Variants in DOP1B observed in about 807,000 individuals in gnomAD.
The protein encoded by DOP1B is protein DOP1B.
A neutral mutation model predicts 233.5 loss-of-function variants in DOP1B; 174 were observed. That is an observed-to-expected ratio of 0.75 (90% confidence interval 0.66 to 0.85). The LOEUF (loss-of-function observed/expected upper bound fraction) is 0.85, where lower values mean the gene tolerates loss of function less well. DOP1B is among the 40% of genes least tolerant of loss of function. The pLI is 0.00. For synonymous variants in DOP1B, 1,190 were observed against 1,185.6 expected, an observed-to-expected ratio of 1.00 and a Z score of -0.08; for missense variants, 2,652 against 2,846.6, an observed-to-expected ratio of 0.93 and a Z score of 1.56.
At chr21:36,185,503 C>T (rs1423763110) in intron 2 of DOP1B, among the ~76,000 whole-genome samples, 7 of 152,184 alleles carry the variant, frequency 4.6e-5, no homozygotes, top group Non-Finnish European at 8.8e-5. Flanking sequence ...AACTCAGTGC[C>T]ACTCAGCCTC....
Position 36,237,253 on chromosome 21 carries a change from T to G in DOP1B, c.2623-9T>G, listed in dbSNP as rs767051773. The G allele has an allele frequency of 1.5e-5, 25 of 1,614,038 alleles. No individual in the cohort carries two copies. In the East Asian group the frequency reaches 5.3e-4, roughly 35 times the overall value. On this transcript the variant is annotated splice_polypyrimidine_tract_variant and intron_variant, in intron 15 of 36. Transcript: ENST00000691173. ...TGGTCCCCCACCGCCTGCCTTTTCC[T>G]TGTCCCAGAGGGTGGCTCGTGTGCT...
At chr21:36,197,552 A>T (rs1286700875) in intron 2 of DOP1B, among the ~76,000 whole-genome samples, 1 of 152,202 alleles carries the variant, frequency 6.6e-6, no homozygotes, top group Non-Finnish European at 1.5e-5. Flanking sequence ...AGAGTGAGAT[A>T]GTCCCTGCCC....
intron 2 of DOP1B, 93 bp from the exon 3 acceptor site, chr21:36,198,977 A>G (rs558507982): frequency 1.5e-6 from 2 of 1,338,858 alleles, no homozygotes; most frequent in Non-Finnish European, 2.1e-6. Context: ...ACACTGGGAC[A>G]TGGCTGCAGT....
intron 2 of DOP1B, among the ~76,000 whole-genome samples, chr21:36,194,487 CT>C (rs369495001): frequency 0.29 from 23,182 of 80,406 alleles, 1,619 homozygotes; most frequent in East Asian, 0.46. Context: ...CTCTCTCTCT[CT>C]TTTTTTTTTT....
chr21:36,223,110 G>A, intron 10 of DOP1B, 121 bp from the exon 11 acceptor site: 2 of 947,332 alleles, frequency 2.1e-6, no homozygotes, highest in South Asian at 1.8e-5. Context: ...TTTTTATCAG[G>A]GTGTGTCAGC....
chr21:36,280,174 C>G, intron 30 of DOP1B, 111 bp from the exon 31 acceptor site: 1 of 770,230 alleles, frequency 1.3e-6, no homozygotes, highest in South Asian at 1.9e-5. Context: ...TGCACCTGGC[C>G]CAGAAAGCAG....
intron 1 of DOP1B, among the ~76,000 whole-genome samples, chr21:36,157,277 C>T (rs961911701): frequency 5.5e-5 from 8 of 146,594 alleles, no homozygotes; most frequent in Non-Finnish European, 1.1e-4. Flanking sequence ...GGTGCAGGTC[C>T]AGGGGTGGGT....
At chr21:36,159,705 C>T (rs886642969) in intron 1 of DOP1B, among the ~76,000 whole-genome samples, 5 of 152,184 alleles carry the variant, frequency 3.3e-5, no homozygotes, top group African/African-American at 1.2e-4. Context: ...TGAGCAGTGG[C>T]GTCCCTTGCC....
intron 15 of DOP1B, among the ~76,000 whole-genome samples, chr21:36,235,236 T>G (rs1342432532): frequency 1.3e-5 from 2 of 152,182 alleles, no homozygotes; most frequent in Non-Finnish European, 2.9e-5. Flanking sequence ...GACAGGGCTG[T>G]TGTCTGATCT....
Position 36,231,006 on chromosome 21 carries a change from G to C in DOP1B, c.2222G>C (p.Gly741Ala), listed in dbSNP as rs2066758409. Residue 741 changes from glycine to alanine, a missense_variant, in exon 14 of 37, where the codon GGT (glycine) becomes GCT (alanine). Gly to Ala is a moderately conservative substitution (Grantham distance 60). Coordinates refer to ENST00000691173, the MANE Select transcript of DOP1B (RefSeq NM_001320714.2). ...GAGAAGGTGGTCATTGACCTGGGGG[G>C]TTCCAGGGAGGAACGCAGGGAGGCC... is the stretch of plus-strand genomic sequence containing the variant. The part of the protein sequence containing the change: ...DVEKVVIDLG[G>A]SREERREAFA... 6.2e-7 allele frequency: 1 copy of C among 1,614,056 alleles called. No individual in the cohort carries two copies. The highest frequency in any genetic ancestry group is 8.5e-7 in the Non-Finnish European group (1 of 1,180,036).
rs761318310 is a variant in DOP1B, at chr21:36,245,703, C to G, written c.3723C>G (p.Leu1241=). The change falls in exon 19 of 37, where the codon CTC becomes CTG. Residue 1241 remains leucine (L), a synonymous_variant. Coordinates refer to ENST00000691173, the MANE Select transcript of DOP1B (RefSeq NM_001320714.2). The surrounding 1 kb of genome is among the most constrained non-coding windows in gnomAD (Gnocchi z 5.5). ...YLQPYDSRRV[L]YAFSVLEAVL... The stretch of plus-strand genomic sequence containing the variant: ...AGCCCTACGACTCTCGGCGGGTCCT[C>G]TATGCCTTCTCGGTGCTGGAGGCTG... 6.2e-7 allele frequency: 1 copy of G among 1,613,830 alleles called. No individual in the cohort carries two copies. The highest frequency in any genetic ancestry group is 8.5e-7 in the Non-Finnish European group (1 of 1,180,004).
chr21:36,211,418 C>A (rs541406907), intron 5 of DOP1B, 135 bp from the exon 6 acceptor site: 91 of 759,872 alleles, frequency 1.2e-4, no homozygotes, highest in Middle Eastern at 2.4e-4. Flanking sequence ...AACCCACACC[C>A]TCCTGACCTG....
rs761756308 is a variant in DOP1B at position 36,238,613 on chromosome 21, G to A, written c.2788G>A (p.Glu930Lys). The stretch of plus-strand genomic sequence containing the variant: ...TCTCCTCATCAAGGGAACAAGGCTG[G>A]AAGCTCTGTTTAGATTTTCCGTGAT... Reference protein sequence around the residue: ...LLDPDKGTRLEALFRFSVIWH... With the variant: ...LLDPDKGTRLKALFRFSVIWH... Residue 930 changes from glutamate to lysine, a missense_variant, in exon 17 of 37, where the codon GAA (glutamate) becomes AAA (lysine). Around this residue, in one of 3 missense-constraint regions of DOP1B, gnomAD observed 2,617 missense variants for 2,794.3 expected, o/e 0.94. Transcript: ENST00000691173. The A allele has an allele frequency of 5.6e-6, 9 of 1,614,188 alleles. 1 individual carries two copies. The South Asian group carries it at 8.8e-5, about 16-fold the overall frequency.
chr21:36,199,148 C>T lies in DOP1B; in HGVS notation c.217C>T (p.Pro73Ser), dbSNP rs2066328639. Reference protein sequence around the residue: ...ISKRLAQCLHPALPSGVHLKA... With the variant: ...ISKRLAQCLHSALPSGVHLKA... ...CAAAAGATTAGCTCAGTGTTTGCAC[C>T]CTGCCCTGCCCAGTGGTGTCCACTT... is the stretch of plus-strand genomic sequence containing the variant. Residue 73 changes from proline to serine, a missense_variant, in exon 3 of 37, where the codon CCT becomes TCT. Around this residue, in one of 3 missense-constraint regions of DOP1B, gnomAD observed 2,617 missense variants for 2,794.3 expected, o/e 0.94. Coordinates refer to ENST00000691173, the MANE Select transcript of DOP1B (RefSeq NM_001320714.2). 1 of 1,614,096 alleles carries T rather than the reference C, an allele frequency of 6.2e-7. No homozygotes were observed. The highest frequency in any genetic ancestry group is 1.1e-5 in the South Asian group (1 of 91,072).
At position 36,230,687 on chromosome 21, in the gene DOP1B, G is replaced by T. The variant is rs370342108; in HGVS notation, c.1903G>T (p.Ala635Ser). ...GTTTCTTTGCATCCAAGAGCTAATC[G>T]CCAACTTTGCCAGCAAGAACATTTT... ...RTFLCIQELIANFASKNIFGV... is the reference protein window; with the variant it reads ...RTFLCIQELISNFASKNIFGV... The change falls in exon 14 of 37, where the codon GCC (alanine) becomes TCC (serine). Residue 635 changes from alanine to serine, a missense_variant. Around this residue, in one of 3 missense-constraint regions of DOP1B, gnomAD observed 2,617 missense variants for 2,794.3 expected, o/e 0.94. Transcript: ENST00000691173. The T allele has an allele frequency of 8.7e-6, 14 of 1,614,030 alleles. No homozygotes were observed. Among genetic ancestry groups the T allele is most frequent in the Non-Finnish European group, 1.2e-5 (14 of 1,180,034 alleles).
chr21:36,292,329 T>C (rs2067570171), intron 36 of DOP1B, 96 bp downstream of exon 36: 1 of 980,596 alleles, frequency 1.0e-6, no homozygotes, highest in Admixed American at 3.1e-5. Context: ...CGGTCTTCGC[T>C]TACTGCAGCC....
intron 5 of DOP1B, among the ~76,000 whole-genome samples, chr21:36,209,673 T>C (rs543621965): frequency 1.6e-4 from 24 of 152,262 alleles, no homozygotes; most frequent in African/African-American, 5.1e-4. Context: ...CCCCCAGGTA[T>C]CCATCTCCAG....
At position 36,244,079 on chromosome 21, in the gene DOP1B, T is replaced by C. The variant is rs114496755; in HGVS notation, c.3068-969T>C. ...TCTCACTCTGTTGCCTAGTCTGGAG[T>C]GTAGTGGCATGATTTCAGCTCACTG... On this transcript the variant is annotated intron_variant, in intron 18 of 36. Transcript: ENST00000691173. 6.5e-3 allele frequency among the ~76,000 whole-genome samples: 898 copies of C among 138,274 alleles called. 8 individuals carry two copies. Among genetic ancestry groups the C allele is most frequent in the African/African-American group, 0.023 (844 of 37,060 alleles). 90.7% of individuals were successfully genotyped at this position (138,274 alleles called of 152,430 possible).
At position 36,185,853 on chromosome 21, in the gene DOP1B, T is replaced by C. The variant is rs567575896; in HGVS notation, c.139-13217T>C. 2.6e-5 allele frequency among the ~76,000 whole-genome samples: 4 copies of C among 152,310 alleles called. No individual in the cohort carries two copies. The East Asian group carries it at 7.7e-4, about 29-fold the overall frequency. ...ATAAGGGGCAGCATTTGCACATGTG[T>C]GCTGCAGATTACCCGCTGTGAGGCA... On this transcript the variant is annotated intron_variant, in intron 2 of 36. Coordinates refer to ENST00000691173, the MANE Select transcript of DOP1B (RefSeq NM_001320714.2).
Sources: allele counts gnomAD v4.1 joint callset (sites outside exome capture counted in the v4.1 genomes callset), GRCh38; gene constraint gnomAD v4.1.1; regional missense constraint gnomAD v4.1.1; non-coding constraint Gnocchi (gnomAD v3.1); transcripts MANE v1.5; gene names NCBI Gene and HGNC (gene_info 2026-07-23, HGNC 2026-07-21).